ZNF365: variants seen among roughly 807,000 people sequenced by gnomAD.
ZNF365 encodes the protein zinc finger protein 365.
A neutral mutation model predicts 35.0 loss-of-function variants in ZNF365; 22 were observed. The ratio of observed to expected loss-of-function variants is 0.63; its 90% CI spans 0.45 to 0.90. The LOEUF (loss-of-function observed/expected upper bound fraction) is 0.90, where lower values mean the gene tolerates loss of function less well. Among genes scored for constraint, ZNF365 ranks in the 40% least tolerant of loss-of-function variants. The pLI, the probability that ZNF365 is intolerant of heterozygous loss-of-function variation, is 0.00. For missense variants in ZNF365, 448 were observed against 500.3 expected (o/e 0.90, Z 1.00); for synonymous variants, 188 against 196.2 (o/e 0.96, Z 0.35).
intron 3 of ZNF365, among the ~76,000 whole-genome samples, chr10:62,434,046 C>T (rs145936663): frequency 2.1e-4 from 32 of 152,200 alleles, no homozygotes; most frequent in Non-Finnish European, 2.5e-4. Flanking sequence ...CCTAAACCTG[C>T]TTGAACATAA....
chr10:62,410,533 T>C (rs943857676), intron 3 of ZNF365, among the ~76,000 whole-genome samples: 1 of 152,010 alleles, frequency 6.6e-6, no homozygotes, highest in African/African-American at 2.4e-5. Context: ...TCCCTCCCCA[T>C]AGGCACCTGT....
In ZNF365 at chr10:62,400,459, G is replaced by A. The variant is rs1380210841; in HGVS notation, c.*670G>A. ...TAGATGCATGTTTATTCAGATTTTGGTACACCTCTGCCGTCTTCTTTGGCT... is the reference window on the plus strand; with the variant it reads ...TAGATGCATGTTTATTCAGATTTTGATACACCTCTGCCGTCTTCTTTGGCT... On this transcript the variant is annotated 3_prime_UTR_variant, in exon 5 of 5. Transcript: ENST00000395254. 27 of 985,840 alleles carry A rather than the reference G, an allele frequency of 2.7e-5. No individual in the cohort carries two copies. Among genetic ancestry groups the A allele is most frequent in the Non-Finnish European group, 3.3e-5 (27 of 829,974 alleles). 61.1% of individuals were successfully genotyped at this position (985,840 alleles called of 1,614,324 possible).
chr10:62,432,982 C>A (rs1429143505), intron 3 of ZNF365, among the ~76,000 whole-genome samples: 1 of 152,114 alleles, frequency 6.6e-6, no homozygotes, highest in Non-Finnish European at 1.5e-5. Flanking sequence ...TGAGATTTAA[C>A]AAACTTAAGG....
At chr10:62,478,301 T>C (rs1410263565) in intron 4 of ZNF365, among the ~76,000 whole-genome samples, 1 of 152,194 alleles carries the variant, frequency 6.6e-6, no homozygotes, top group African/African-American at 2.4e-5. Flanking sequence ...CCAGTCTCTG[T>C]TGATTCTGAA....
intron 3 of ZNF365, among the ~76,000 whole-genome samples, chr10:62,422,569 C>T (rs554442463): frequency 3.9e-5 from 6 of 152,264 alleles, no homozygotes; most frequent in African/African-American, 1.4e-4. Flanking sequence ...GCTAGAGGTG[C>T]TGTACAAATG....
chr10:62,479,771 T>C lies in ZNF365; in HGVS notation c.982-105T>C. ...AAGTGAAGAGTTGCCAGTACAATTGTTTGCCAGGACCCATGGTTGAAACCA... is the reference window on the plus strand; with the variant it reads ...AAGTGAAGAGTTGCCAGTACAATTGCTTGCCAGGACCCATGGTTGAAACCA... On this transcript the variant is annotated intron_variant, in intron 4 of 4. Coordinates refer to the ZNF365 transcript ENST00000395255. The C allele has an allele frequency of 6.4e-6, 5 of 786,238 alleles. No homozygotes were observed. The South Asian group carries it at 7.5e-5, about 12-fold the overall frequency. The allele number at this position is 786,238 out of a possible 1,614,324, so 48.7% of individuals were successfully genotyped here. A position where few individuals can be genotyped will look rare whatever the true frequency, so the allele number is the denominator to read the frequency against.
intron 3 of ZNF365, among the ~76,000 whole-genome samples, chr10:62,415,949 T>G (rs1235266615): frequency 6.6e-6 from 1 of 152,210 alleles, no homozygotes; most frequent in Non-Finnish European, 1.5e-5. Context: ...AGCTATCTGA[T>G]GTTTTTGAGA....
chr10:62,397,488 T>A (rs1839749447), intron 3 of ZNF365, among the ~76,000 whole-genome samples: 1 of 152,216 alleles, frequency 6.6e-6, no homozygotes, highest in African/African-American at 2.4e-5. Flanking sequence ...GTGACACCAC[T>A]TATTCTAGTG....
chr10:62,466,757 AC>A (rs1437869970), intron 4 of ZNF365, among the ~76,000 whole-genome samples: 2 of 152,018 alleles, frequency 1.3e-5, no homozygotes, highest in African/African-American at 4.8e-5. Flanking sequence ...AGAGCATTCA[AC>A]AGGTTACTTG....
intron 3 of ZNF365, among the ~76,000 whole-genome samples, chr10:62,410,034 C>T (rs1181293402): frequency 2.6e-5 from 4 of 152,134 alleles, no homozygotes; most frequent in Admixed American, 1.3e-4. Context: ...GAATCCCTGA[C>T]TTAGTCATTC....
chr10:62,436,114 G>A (rs10128203), intron 3 of ZNF365, among the ~76,000 whole-genome samples: 107,253 of 151,918 alleles, frequency 0.71, 38,321 homozygotes, highest in Non-Finnish European at 0.77. Context: ...TGGTCTGAAC[G>A]TCTTTGTGAG....
intron 4 of ZNF365, among the ~76,000 whole-genome samples, chr10:62,469,076 T>C (rs1368825057): frequency 6.6e-6 from 1 of 152,196 alleles, no homozygotes; most frequent in Non-Finnish European, 1.5e-5. Context: ...AGTGGACCAG[T>C]CAAGAGCAGA....
intron 2 of ZNF365, among the ~76,000 whole-genome samples, chr10:62,380,293 T>C (rs1238621959): frequency 1.3e-5 from 2 of 152,248 alleles, no homozygotes; most frequent in Non-Finnish European, 2.9e-5. Flanking sequence ...AGACCAACCC[T>C]TCTGTTTCTC....
intron 3 of ZNF365, among the ~76,000 whole-genome samples, chr10:62,394,717 C>A (rs534086938): frequency 6.6e-6 from 1 of 152,246 alleles, no homozygotes; most frequent in South Asian, 2.1e-4. Flanking sequence ...AGCAAAGACA[C>A]TAAATGGAAG....
chr10:62,429,894 T>C (rs1840308106), intron 3 of ZNF365, among the ~76,000 whole-genome samples: 2 of 152,170 alleles, frequency 1.3e-5, no homozygotes, highest in African/African-American at 4.8e-5. Flanking sequence ...AAGAAACTTA[T>C]TCAGGTTCAA....
intron 3 of ZNF365, among the ~76,000 whole-genome samples, chr10:62,448,968 A>G (rs1193903134): frequency 2.0e-5 from 3 of 152,230 alleles, no homozygotes; most frequent in African/African-American, 7.2e-5. Context: ...GCTTTAGCTA[A>G]ATAATTACAG....
At chr10:62,391,490 A>G (rs879753244) in intron 3 of ZNF365, among the ~76,000 whole-genome samples, 33 of 152,192 alleles carry the variant, frequency 2.2e-4, no homozygotes, top group Non-Finnish European at 4.7e-4. Flanking sequence ...GTGAGAACAT[A>G]CAATGTTTGG....
chr10:62,389,773 C>G (rs1839594640), intron 3 of ZNF365, among the ~76,000 whole-genome samples: 1 of 152,154 alleles, frequency 6.6e-6, no homozygotes, highest in Non-Finnish European at 1.5e-5. Context: ...GATATAAGCC[C>G]CAGAACTTTC....
chr10:62,420,347 T>G (rs527615321), intron 3 of ZNF365, among the ~76,000 whole-genome samples: 2 of 152,314 alleles, frequency 1.3e-5, no homozygotes, highest in South Asian at 4.1e-4. Context: ...AACCAGTGAT[T>G]CAATTTTTTT....
Sources: gnomAD v4.1 joint callset for allele counts (sites outside exome capture counted in the v4.1 genomes callset) on GRCh38, gnomAD v4.1.1 for gene constraint, MANE v1.5 for transcripts, NCBI Gene and HGNC (gene_info 2026-07-23, HGNC 2026-07-21) for gene names.